Variants in MYO5C observed in about 807,000 individuals in gnomAD.
MYO5C encodes the protein unconventional myosin-Vc.
In MYO5C, 194 loss-of-function variants were observed where a neutral mutation model predicts 235.7. The ratio of observed to expected loss-of-function variants is 0.82; its 90% CI spans 0.73 to 0.93. The LOEUF (loss-of-function observed/expected upper bound fraction) is 0.93, where lower values mean the gene tolerates loss of function less well. MYO5C is among the 40% of genes least tolerant of loss of function. MYO5C has a pLI of 0.00. For synonymous variants in MYO5C, 707 were observed against 754.8 expected (o/e 0.94, Z 1.04); for missense variants, 2,038 against 2,127.2 (o/e 0.96, Z 0.82).
intron 13 of MYO5C, among the ~76,000 whole-genome samples, chr15:52,249,226 CCAAGCCTT>C (rs1566978996): frequency 2.0e-5 from 3 of 152,208 alleles, no homozygotes; most frequent in Non-Finnish European, 4.4e-5. Flanking sequence ...CAGCTGACCA[CCAAGCCTT>C]CAAGAGCCAC....
chr15:52,261,400 A>T, intron 9 of MYO5C, among the ~76,000 whole-genome samples: 1 of 152,226 alleles, frequency 6.6e-6, no homozygotes, highest in East Asian at 1.9e-4. Flanking sequence ...TTTCATTTTA[A>T]CCAAAGAATG....
At chr15:52,220,445 C>G (rs909074545) in intron 30 of MYO5C, among the ~76,000 whole-genome samples, 3 of 152,122 alleles carry the variant, frequency 2.0e-5, no homozygotes, top group African/African-American at 7.2e-5. Context: ...CATCACCTCC[C>G]GGGCTCAAGT....
In MYO5C at chr15:52,205,370, GT is replaced by G. The variant is rs2141267095; in HGVS notation, c.4538-224del. 7.2e-6 allele frequency: 4 copies of G among 553,778 alleles called. No homozygotes were observed. The South Asian group carries it at 9.8e-5, about 14-fold the overall frequency. 34.3% of individuals were successfully genotyped at this position (553,778 alleles called of 1,614,324 possible). ...AGCGGGGCTGCAGCTCCTCTTGTAG[GT>G]TTGAAGCAGCACGTTTTTCAGCTTC... On this transcript the variant is annotated intron_variant, in intron 37 of 40. Coordinates refer to ENST00000261839, the MANE Select transcript of MYO5C (RefSeq NM_018728.4).
chr15:52,241,939 T>C (rs1473437737), intron 20 of MYO5C, 109 bp downstream of exon 20: 3 of 1,262,126 alleles, frequency 2.4e-6, no homozygotes, highest in Non-Finnish European at 3.3e-6. Context: ...GGCTGACACT[T>C]TGTACAAAGT....
chr15:52,199,129 G>A (rs868236751), intron 38 of MYO5C, among the ~76,000 whole-genome samples: 1 of 151,582 alleles, frequency 6.6e-6, no homozygotes, highest in South Asian at 2.1e-4. Context: ...TCCTGACCTC[G>A]TGATCCGCCC....
At chr15:52,226,385 G>A (rs866174553) in intron 25 of MYO5C, among the ~76,000 whole-genome samples, 2 of 152,204 alleles carry the variant, frequency 1.3e-5, no homozygotes, top group Admixed American at 6.5e-5. Flanking sequence ...TCTCCCTTGT[G>A]AGCTCAGCTT....
At chr15:52,194,182 A>G (rs908075852) in intron 40 of MYO5C, 128 bp from the exon 41 acceptor site, 12 of 806,158 alleles carry the variant, frequency 1.5e-5, no homozygotes, top group Non-Finnish European at 2.3e-5. Flanking sequence ...ATGAAATGAC[A>G]TACATGAGAA....
chr15:52,231,063 G>C (rs1048290118), intron 24 of MYO5C, among the ~76,000 whole-genome samples: 9 of 152,018 alleles, frequency 5.9e-5, no homozygotes, highest in Admixed American at 4.6e-4. Flanking sequence ...CCTGACCTCA[G>C]GTGATCTGCC....
At chr15:52,247,670 G>A in intron 14 of MYO5C, 78 bp from the exon 15 acceptor site, 1 of 1,517,714 alleles carries the variant, frequency 6.6e-7, no homozygotes. Context: ...CGTAAATGGT[G>A]ACAACAACTC....
chr15:52,294,457 C>T (rs2037456659), intron 1 of MYO5C, among the ~76,000 whole-genome samples: 1 of 152,242 alleles, frequency 6.6e-6, no homozygotes, highest in African/African-American at 2.4e-5. Flanking sequence ...TGCTTTGTGT[C>T]CGGACTGTTA....
At chr15:52,194,143 C>T (rs2034995232) in intron 40 of MYO5C, 89 bp from the exon 41 acceptor site, 1 of 1,252,944 alleles carries the variant, frequency 8.0e-7, no homozygotes, top group Non-Finnish European at 1.1e-6. Flanking sequence ...ACACAGCTAT[C>T]TCTAGTGGAG....
chr15:52,244,606 T>A, intron 18 of MYO5C, 39 bp from the exon 19 acceptor site: 4 of 1,422,952 alleles, frequency 2.8e-6, no homozygotes, highest in Non-Finnish European at 2.9e-6. Context: ...TTAAAATCTG[T>A]CAGATTTTCT....
At chr15:52,244,817 C>T (rs559065320) in intron 18 of MYO5C, among the ~76,000 whole-genome samples, 84 of 152,236 alleles carry the variant, frequency 5.5e-4, no homozygotes, top group African/African-American at 2.0e-3. Context: ...GTGTCATTTG[C>T]GGCGATTCTC....
At chr15:52,211,115 C>A (rs560299598) in intron 35 of MYO5C, among the ~76,000 whole-genome samples, 173 of 152,288 alleles carry the variant, frequency 1.1e-3, no homozygotes, top group African/African-American at 2.7e-3. Flanking sequence ...TTGGAAGGAA[C>A]CTGGGTCCCT....
rs2035754513 is a variant in MYO5C, at chr15:52,223,730, A to G, written c.3447-6T>C. The G allele has an allele frequency of 6.2e-7, 1 of 1,610,804 alleles. No individual in the cohort carries two copies. Among genetic ancestry groups the G allele is most frequent in the African/African-American group, 1.3e-5 (1 of 74,692 alleles). On this transcript the variant is annotated splice_polypyrimidine_tract_variant and splice_region_variant and intron_variant, in intron 28 of 40. Coordinates refer to ENST00000261839, the MANE Select transcript of MYO5C (RefSeq NM_018728.4). Reference sequence around the variant, plus strand: ...GGAAATGGCTCTCCAAAACACTATTAAAGGAGGGGTCAAGAAATAAACCAC... The same window carrying G: ...GGAAATGGCTCTCCAAAACACTATTGAAGGAGGGGTCAAGAAATAAACCAC...
intron 13 of MYO5C, among the ~76,000 whole-genome samples, chr15:52,250,225 C>CT (rs202038053): frequency 1.7e-4 from 24 of 140,394 alleles, no homozygotes; most frequent in East Asian, 6.4e-4. Context: ...AAAAACTTAT[C>CT]TTTTTTTTTT....
In MYO5C at chr15:52,247,476, C is replaced by T. The variant is rs10163109; in HGVS notation, c.1863G>A (p.Arg621=). Residue 621 remains arginine (R), a synonymous_variant, in exon 15 of 41, where the codon CGG becomes CGA. Coordinates refer to ENST00000261839, the MANE Select transcript of MYO5C (RefSeq NM_018728.4). ...TCAGTACCTTGCTCCCAACTGTGGT[C>T]CGGAAATGCTTGCTGTTTGGCTTGA... ...QVIKPNSKHF[R]TTVGSKFRSS... 0.97 allele frequency: 1,562,474 copies of T among 1,614,092 alleles called. 759,079 individuals carry two copies. The highest frequency in any genetic ancestry group is 0.99 in the Middle Eastern group (6,001 of 6,062).
At chr15:52,252,089 T>G (rs1025994069) in intron 12 of MYO5C, among the ~76,000 whole-genome samples, 1 of 152,218 alleles carries the variant, frequency 6.6e-6, no homozygotes, top group Admixed American at 6.5e-5. Flanking sequence ...GTATTTGATG[T>G]GATATTTTAA....
chr15:52,239,283 T>A (rs1456805813), intron 21 of MYO5C, among the ~76,000 whole-genome samples: 1 of 152,076 alleles, frequency 6.6e-6, no homozygotes, highest in East Asian at 1.9e-4. Flanking sequence ...GTGGGAATGG[T>A]ATGGGGAATC....
Sources: allele counts gnomAD v4.1 joint callset (sites outside exome capture counted in the v4.1 genomes callset), GRCh38; gene constraint gnomAD v4.1.1; transcripts MANE v1.5; gene names NCBI Gene and HGNC (gene_info 2026-07-23, HGNC 2026-07-21).